Variants in STK32B observed in about 807,000 individuals in gnomAD.
STK32B encodes serine/threonine kinase 32B, also known as serine/threonine-protein kinase 32B.
Under a neutral mutation model 52.6 loss-of-function variants are expected in STK32B, and 43 were observed. The observed-to-expected ratio is 0.82, with a 90% CI of 0.64 to 1.05. STK32B has a LOEUF of 1.05. Among genes scored for constraint, STK32B ranks in the 50% least tolerant of loss-of-function variants. STK32B has a pLI of 0.00. For missense variants in STK32B, 621 were observed against 534.6 expected (o/e 1.16, Z -1.59); for synonymous variants, 238 against 204.3 (o/e 1.17, Z -1.41).
intron 4 of STK32B, among the ~76,000 whole-genome samples, chr4:5,351,710 C>A (rs1733837140): frequency 1.3e-5 from 2 of 151,816 alleles, no homozygotes; most frequent in Middle Eastern, 3.4e-3. Context: ...GATATGTCAC[C>A]AGCTTGACTA....
intron 11 of STK32B, among the ~76,000 whole-genome samples, chr4:5,486,503 A>C (rs1209347506): frequency 6.6e-6 from 1 of 152,236 alleles, no homozygotes; most frequent in Non-Finnish European, 1.5e-5. Context: ...TTGACTAGGA[A>C]AGGGAATTCC....
Position 5,398,161 on chromosome 4 carries a change from G to A in STK32B, c.435-46G>A. 6.2e-7 allele frequency: 1 copy of A among 1,611,078 alleles called. No homozygotes were observed. Among genetic ancestry groups the A allele is most frequent in the Non-Finnish European group, 8.5e-7 (1 of 1,178,292 alleles). On this transcript the variant is annotated intron_variant, in intron 4 of 11. Coordinates refer to ENST00000282908, the MANE Select transcript of STK32B (RefSeq NM_018401.3). The surrounding 1 kb of genome is among the most constrained non-coding windows in gnomAD (Gnocchi z 4.9). ...GTGGTGCTTGTCTATGTGCTCATCT[G>A]TGGGCTCAGGAACCACATTGCCAGC...
intron 3 of STK32B, among the ~76,000 whole-genome samples, chr4:5,239,531 C>T (rs576453818): frequency 9.9e-5 from 15 of 152,066 alleles, no homozygotes; most frequent in South Asian, 4.1e-4. Context: ...CCTAAGCATG[C>T]GGGAGATGCT....
intron 1 of STK32B, among the ~76,000 whole-genome samples, chr4:5,061,686 G>A (rs1560131785): frequency 6.6e-6 from 1 of 152,190 alleles, no homozygotes; most frequent in Non-Finnish European, 1.5e-5. Context: ...GATTCAAATG[G>A]TCTGGAGTCC....
intron 3 of STK32B, among the ~76,000 whole-genome samples, chr4:5,311,862 TAC>T (rs998873336): frequency 2.6e-5 from 4 of 151,916 alleles, no homozygotes; most frequent in African/African-American, 9.6e-5. Context: ...GCACCAGTTT[TAC>T]ACAGTTTCTT....
chr4:5,094,681 TATAAC>T (rs1560148153), intron 1 of STK32B, among the ~76,000 whole-genome samples: 1 of 152,132 alleles, frequency 6.6e-6, no homozygotes. Context: ...ATACAATACT[TATAAC>T]ATACAAAATA....
At chr4:5,379,697 G>A (rs1735812945) in intron 4 of STK32B, among the ~76,000 whole-genome samples, 2 of 152,142 alleles carry the variant, frequency 1.3e-5, no homozygotes, top group Non-Finnish European at 2.9e-5. Context: ...CACACACAAA[G>A]GGAAGACTGT....
chr4:5,410,243 C>G (rs1034853744), intron 5 of STK32B, among the ~76,000 whole-genome samples: 12 of 152,180 alleles, frequency 7.9e-5, no homozygotes, highest in African/African-American at 2.9e-4. Flanking sequence ...AGCCCTGATT[C>G]TCATCTCTTT....
At chr4:5,069,156 G>A (rs191519601) in intron 1 of STK32B, among the ~76,000 whole-genome samples, 1 of 151,456 alleles carries the variant, frequency 6.6e-6, no homozygotes, top group East Asian at 1.9e-4. Flanking sequence ...CAGCTTAGGG[G>A]TTTGTGTTTT....
intron 3 of STK32B, among the ~76,000 whole-genome samples, chr4:5,328,027 T>A (rs1731991772): frequency 6.6e-6 from 1 of 152,246 alleles, no homozygotes; most frequent in African/African-American, 2.4e-5. Flanking sequence ...TGGCGTCTTT[T>A]CTTTAACCTC....
At chr4:5,497,173 T>A (rs1720339561) in intron 11 of STK32B, among the ~76,000 whole-genome samples, 1 of 152,342 alleles carries the variant, frequency 6.6e-6, no homozygotes, top group Non-Finnish European at 1.5e-5. Flanking sequence ...ATCCCTGCAG[T>A]ATTTGAACAT....
At chr4:5,205,705 TGTGTGTG>T (rs1560224984) in intron 3 of STK32B, among the ~76,000 whole-genome samples, 11 of 95,542 alleles carry the variant, frequency 1.2e-4, no homozygotes, top group East Asian at 1.1e-3. Flanking sequence ...CGCGCGCGCG[TGTGTGTG>T]TGTGTGTGTG....
intron 3 of STK32B, among the ~76,000 whole-genome samples, chr4:5,302,215 A>AAAG (rs1553866904): frequency 0.068 from 10,347 of 151,724 alleles, 392 homozygotes; most frequent in South Asian, 0.098. Flanking sequence ...ATTGTAAAAA[A>AAAG]AAAAATCACA....
chr4:5,131,370 C>G (rs1286893142), intron 1 of STK32B, among the ~76,000 whole-genome samples: 2 of 152,202 alleles, frequency 1.3e-5, no homozygotes. Context: ...AATTTTATCT[C>G]CACCTGATTA....
chr4:5,471,765 A>G (rs181279464), intron 11 of STK32B, among the ~76,000 whole-genome samples: 228 of 152,270 alleles, frequency 1.5e-3, no homozygotes, highest in Non-Finnish European at 2.4e-3. Context: ...TAAGTGGTGC[A>G]TCCTCTAGTG....
At chr4:5,458,917 C>T (rs35943973) in intron 8 of STK32B, 23,787 of 152,208 alleles carry the variant, frequency 0.16, 2,129 homozygotes, top group East Asian at 0.35. Flanking sequence ...GTCTCTTAAC[C>T]CTGACTGCTC....
intron 3 of STK32B, among the ~76,000 whole-genome samples, chr4:5,178,116 A>AAGGGC (rs1417752302): frequency 6.6e-6 from 1 of 152,158 alleles, no homozygotes; most frequent in Non-Finnish European, 1.5e-5. Flanking sequence ...GGTTCTCCAT[A>AAGGGC]AGGGCTCTGC....
chr4:5,479,420 A>T (rs1224151080), intron 11 of STK32B, among the ~76,000 whole-genome samples: 1 of 152,106 alleles, frequency 6.6e-6, no homozygotes, highest in Non-Finnish European at 1.5e-5. Context: ...TGCCCGGCCT[A>T]GTCTAGGGGA....
intron 2 of STK32B, among the ~76,000 whole-genome samples, chr4:5,140,638 C>A (rs563644384): frequency 6.6e-6 from 1 of 152,292 alleles, no homozygotes; most frequent in South Asian, 2.1e-4. Flanking sequence ...GGGATTTGAG[C>A]TGAAGGCTGA....
Sources: gnomAD v4.1 joint callset for allele counts (sites outside exome capture counted in the v4.1 genomes callset) on GRCh38, gnomAD v4.1.1 for gene constraint, Gnocchi (gnomAD v3.1) non-coding constraint, MANE v1.5 for transcripts, NCBI Gene and HGNC (gene_info 2026-07-23, HGNC 2026-07-21) for gene names.